The following GOLGA4 variants were observed in gnomAD, a reference collection of about 807,000 sequenced individuals.
The protein encoded by GOLGA4 is golgin A4.
In GOLGA4, 169 loss-of-function variants were observed where a neutral mutation model predicts 265.9. That is an observed-to-expected ratio of 0.64 (90% CI 0.56 to 0.72). The LOEUF (loss-of-function observed/expected upper bound fraction) is 0.72, where lower values mean the gene tolerates loss of function less well. GOLGA4 is among the 30% of genes least tolerant of loss of function. GOLGA4 has a pLI of 0.00. For synonymous variants in GOLGA4, 923 were observed against 855.8 expected, an observed-to-expected ratio of 1.08 and a Z score of -1.37; for missense variants, 2,482 against 2,483.4, an observed-to-expected ratio of 1.00 and a Z score of 0.01.
At chr3:37,274,636 T>C (rs1334338373) in intron 2 of GOLGA4, among the ~76,000 whole-genome samples, 1 of 151,642 alleles carries the variant, frequency 6.6e-6, no homozygotes, top group East Asian at 2.0e-4. Flanking sequence ...GAGGCTGCAG[T>C]GAGCTGAGAT....
chr3:37,310,200 G>A (rs1444674635), intron 10 of GOLGA4, among the ~76,000 whole-genome samples: 3 of 152,134 alleles, frequency 2.0e-5, no homozygotes, highest in African/African-American at 7.2e-5. Flanking sequence ...AGTGGGTCTT[G>A]TTAACCATAT....
At position 37,302,248 on chromosome 3, in the gene GOLGA4, A is replaced by G; in HGVS notation, c.1150A>G (p.Ile384Val). Residue 384 changes from isoleucine (I) to valine (V), a missense_variant, in exon 10 of 24, where the codon ATT becomes GTT. Ile to Val is a conservative substitution (Grantham distance 29, BLOSUM62 3). Around this residue, in one of 3 missense-constraint regions of GOLGA4, gnomAD observed 1,536 missense variants for 1,483.7 expected, o/e 1.04. Transcript: ENST00000361924. Reference sequence around the variant, plus strand: ...AACCCTGGAAATGAAAGAAGAAGAAATTGCTCAACTCCGTAGTCGCATCAA... The same window carrying G: ...AACCCTGGAAATGAAAGAAGAAGAAGTTGCTCAACTCCGTAGTCGCATCAA... ...HETLEMKEEE[I>V]AQLRSRIKQM... is the part of the protein sequence containing the mutation. 3.1e-6 allele frequency: 5 copies of G among 1,613,144 alleles called. No homozygotes were observed. Among genetic ancestry groups the G allele is most frequent in the Non-Finnish European group, 4.2e-6 (5 of 1,179,114 alleles).
intron 2 of GOLGA4, among the ~76,000 whole-genome samples, chr3:37,260,558 C>A (rs1383091381): frequency 6.6e-6 from 1 of 151,680 alleles, no homozygotes; most frequent in African/African-American, 2.4e-5. Context: ...ATCGCTTGAA[C>A]CTGGGAGGTA....
intron 4 of GOLGA4, among the ~76,000 whole-genome samples, chr3:37,286,308 C>T (rs1469097265): frequency 6.7e-6 from 1 of 150,144 alleles, no homozygotes; most frequent in Non-Finnish European, 1.5e-5. Context: ...CGCCCGCCAC[C>T]GCGCCCGGCT....
chr3:37,312,661 C>T lies in GOLGA4; in HGVS notation c.1235-2759C>T, dbSNP rs551789608. 4.0e-5 allele frequency among the ~76,000 whole-genome samples: 6 copies of T among 151,844 alleles called. No homozygotes were observed. The South Asian group carries it at 1.2e-3, about 32-fold the overall frequency. On this transcript the variant is annotated intron_variant, in intron 10 of 23. Transcript: ENST00000361924. ...CCTCAGCTGCTCAGAGTAGCTCAGA[C>T]TACAGGTACAAGCCACGGCTCCTGG... is the stretch of plus-strand genomic sequence containing the variant.
chr3:37,265,325 G>A (rs2096780723), intron 2 of GOLGA4, among the ~76,000 whole-genome samples: 1 of 152,112 alleles, frequency 6.6e-6, no homozygotes, highest in African/African-American at 2.4e-5. Context: ...AAGCACTAGT[G>A]TAACAGAAAA....
At position 37,340,162 on chromosome 3, in the gene GOLGA4, G is replaced by C. The variant is rs1361115537; in HGVS notation, c.6435G>C (p.Lys2145Asn). Reference protein sequence around the residue: ...NLEDRLKKYEKNVYATTVGTP... With the variant: ...NLEDRLKKYENNVYATTVGTP... Reference sequence around the variant, plus strand: ...AAGACCGTTTGAAGAAATATGAAAAGAATGTATATGCAACAACTGTGGGGA... The same window carrying C: ...AAGACCGTTTGAAGAAATATGAAAACAATGTATATGCAACAACTGTGGGGA... The change falls in exon 20 of 24, where the codon AAG (lysine) becomes AAC (asparagine). Residue 2145 changes from lysine (K) to asparagine (N), a missense_variant. Lys to Asn is a moderately conservative substitution (Grantham distance 94). This residue lies in a region of GOLGA4 where 942 missense variants were observed against 983.1 expected (regional missense o/e 0.96). Transcript: ENST00000361924. The C allele has an allele frequency of 7.0e-7, 1 of 1,434,536 alleles. No individual in the cohort carries two copies. The highest frequency in any genetic ancestry group is 9.7e-7 in the Non-Finnish European group (1 of 1,030,680). 88.9% of individuals were successfully genotyped at this position (1,434,536 alleles called of 1,614,324 possible).
At chr3:37,281,883 A>T in intron 2 of GOLGA4, 75 bp from the exon 3 acceptor site, 2 of 958,220 alleles carry the variant, frequency 2.1e-6, no homozygotes, top group South Asian at 3.1e-5. Flanking sequence ...TTATTAGATT[A>T]TTGCTGGTGA....
At chr3:37,328,076 T>C (rs1578725689) in intron 14 of GOLGA4, among the ~76,000 whole-genome samples, 1 of 152,166 alleles carries the variant, frequency 6.6e-6, no homozygotes, top group East Asian at 1.9e-4. Context: ...TAGGGACATA[T>C]CCAAGTAATT....
intron 10 of GOLGA4, among the ~76,000 whole-genome samples, chr3:37,307,065 A>G (rs1172480012): frequency 2.6e-5 from 4 of 152,184 alleles, no homozygotes; most frequent in African/African-American, 9.7e-5. Context: ...CAACATGAAT[A>G]AAGTATTTTG....
At chr3:37,356,192 G>A (rs866679759) in intron 22 of GOLGA4, among the ~76,000 whole-genome samples, 11 of 152,080 alleles carry the variant, frequency 7.2e-5, no homozygotes, top group Non-Finnish European at 1.3e-4. Flanking sequence ...ATCTGGGGAT[G>A]GCCTAGATGG....
At chr3:37,299,220 A>G in intron 8 of GOLGA4, 68 bp from the exon 9 acceptor site, 1 of 1,077,098 alleles carries the variant, frequency 9.3e-7, no homozygotes, top group Non-Finnish European at 1.4e-6. Flanking sequence ...AATTAGATAA[A>G]TGTTTAGAGT....
chr3:37,276,595 T>C lies in GOLGA4; in HGVS notation c.163-5363T>C. 5 of 1,582,238 alleles carry C rather than the reference T, an allele frequency of 3.2e-6. No individual in the cohort carries two copies. In the East Asian group the frequency reaches 6.7e-5, roughly 21 times the overall value. On this transcript the variant is annotated intron_variant, in intron 2 of 23. Transcript: ENST00000361924. ...AATGTGGAAATCGATGGAAGTTCTG[T>C]TGAGTTGGAAGAATTGGCAAAATAT...
intron 2 of GOLGA4, among the ~76,000 whole-genome samples, chr3:37,265,144 TG>T (rs2096780244): frequency 6.6e-6 from 1 of 152,022 alleles, no homozygotes. Context: ...TGTGTGTGTG[TG>T]TGTATAATTC....
chr3:37,360,815 G>A (rs1393771197), intron 22 of GOLGA4, among the ~76,000 whole-genome samples: 1 of 152,060 alleles, frequency 6.6e-6, no homozygotes, highest in African/African-American at 2.4e-5. Flanking sequence ...ATAGACACAT[G>A]GCTCTTCAAA....
intron 22 of GOLGA4, among the ~76,000 whole-genome samples, chr3:37,359,123 C>T (rs981788796): frequency 2.0e-5 from 3 of 152,106 alleles, no homozygotes; most frequent in South Asian, 2.1e-4. Context: ...TTTTTTCCCT[C>T]CTCTCAATTT....
At chr3:37,276,480 G>A (rs1578457373) in intron 2 of GOLGA4, 3 of 1,610,368 alleles carry the variant, frequency 1.9e-6, no homozygotes, top group East Asian at 2.2e-5. Context: ...TTGTTCACAT[G>A]TGGCAAATGT....
At chr3:37,244,631 A>G (rs2096713831) in intron 1 of GOLGA4, among the ~76,000 whole-genome samples, 1 of 152,186 alleles carries the variant, frequency 6.6e-6, no homozygotes, top group Admixed American at 6.5e-5. Context: ...AGTTTTGACT[A>G]ACTTGGAGGC....
At chr3:37,258,260 CAT>C (rs979668288) in intron 2 of GOLGA4, among the ~76,000 whole-genome samples, 3 of 143,960 alleles carry the variant, frequency 2.1e-5, no homozygotes, top group Non-Finnish European at 4.5e-5. Flanking sequence ...ATATAGAGAG[CAT>C]ATATATAGAG....
Sources: allele counts gnomAD v4.1 joint callset (sites outside exome capture counted in the v4.1 genomes callset), GRCh38; gene constraint gnomAD v4.1.1; regional missense constraint gnomAD v4.1.1; transcripts MANE v1.5; gene names NCBI Gene and HGNC (gene_info 2026-07-23, HGNC 2026-07-21).